The following RAB38 variants were observed in gnomAD, a reference collection of about 807,000 sequenced individuals.
RAB38 encodes RAB38, member RAS oncogene family, also known as ras-related protein Rab-38.
RAB38 carries 15 observed loss-of-function variants against 18.4 expected under a neutral mutation model. The ratio of observed to expected loss-of-function variants is 0.82; its 90% CI spans 0.55 to 1.26. The LOEUF is 1.26. Ranked by LOEUF, RAB38 falls within the 50% of genes most tolerant of loss-of-function variation. The pLI is 0.00. For missense variants in RAB38, 294 were observed against 267.4 expected (o/e 1.10, Z -0.69); for synonymous variants, 101 against 104.4 (o/e 0.97, Z 0.20).
At chr11:88,051,863 C>A in the RAB38 span, among the ~76,000 whole-genome samples, 1 of 152,168 alleles carries the variant, frequency 6.6e-6, no homozygotes, top group African/African-American at 2.4e-5. Flanking sequence ...GTGGCTCATG[C>A]CTGTAATCCT....
the RAB38 span, among the ~76,000 whole-genome samples, chr11:88,071,851 T>G: frequency 6.6e-6 from 1 of 152,138 alleles, no homozygotes; most frequent in Non-Finnish European, 1.5e-5. Context: ...AAACACACAC[T>G]GGAGGATTTG....
chr11:87,839,273 A>T, the RAB38 span, among the ~76,000 whole-genome samples: 1 of 152,306 alleles, frequency 6.6e-6, no homozygotes, highest in Non-Finnish European at 1.5e-5. Flanking sequence ...ATCTCCAACT[A>T]TGTAATACAT....
At chr11:88,021,876 T>C in the RAB38 span, among the ~76,000 whole-genome samples, 4 of 147,608 alleles carry the variant, frequency 2.7e-5, no homozygotes, top group East Asian at 8.0e-4. Flanking sequence ...AAAAGTATTC[T>C]TTTTTTATTT....
the RAB38 span, among the ~76,000 whole-genome samples, chr11:87,850,833 T>C: frequency 1.3e-5 from 2 of 152,216 alleles, no homozygotes; most frequent in African/African-American, 4.8e-5. Flanking sequence ...ATCTGAGGAA[T>C]TTTAGCTTAG....
At chr11:87,960,141 G>A in the RAB38 span, among the ~76,000 whole-genome samples, 5 of 152,052 alleles carry the variant, frequency 3.3e-5, no homozygotes, top group South Asian at 2.1e-4. Context: ...CAAACAAACA[G>A]TGTAATTGAC....
At chr11:88,115,974 T>C (rs1942545801) in intron 2 of RAB38, 1 of 152,280 alleles carries the variant, frequency 6.6e-6, no homozygotes, top group South Asian at 2.1e-4. Context: ...CCTCACTCTA[T>C]GGAATCCAGT....
intron 1 of RAB38, among the ~76,000 whole-genome samples, chr11:88,158,254 C>T (rs1045188976): frequency 3.3e-5 from 5 of 152,058 alleles, no homozygotes; most frequent in Admixed American, 6.6e-5. Flanking sequence ...CCTGAATAGA[C>T]CAATAATGAC....
the RAB38 span, among the ~76,000 whole-genome samples, chr11:88,051,602 G>T: frequency 6.6e-6 from 1 of 151,872 alleles, no homozygotes; most frequent in African/African-American, 2.4e-5. Context: ...TAGTCATCAT[G>T]TGAAAAACAA....
chr11:87,977,299 G>T, the RAB38 span, among the ~76,000 whole-genome samples: 3 of 129,314 alleles, frequency 2.3e-5, no homozygotes, highest in African/African-American at 9.2e-5. Flanking sequence ...TATTATACAA[G>T]TATATTATAA....
the RAB38 span, among the ~76,000 whole-genome samples, chr11:87,856,514 A>G: frequency 1.3e-5 from 2 of 152,198 alleles, no homozygotes; most frequent in East Asian, 3.8e-4. Context: ...TCTCAATACA[A>G]TATTTTATAT....
At chr11:87,807,509 T>G in the RAB38 span, among the ~76,000 whole-genome samples, 1 of 152,218 alleles carries the variant, frequency 6.6e-6, no homozygotes, top group Admixed American at 6.5e-5. Flanking sequence ...AAAGTAGTTC[T>G]GTTTCAGTCA....
chr11:87,808,312 T>G, the RAB38 span, among the ~76,000 whole-genome samples: 1 of 152,112 alleles, frequency 6.6e-6, no homozygotes, highest in Non-Finnish European at 1.5e-5. Context: ...AACCTAAGTG[T>G]CCACTAACAG....
At chr11:88,124,468 T>C (rs1942667851) in intron 2 of RAB38, among the ~76,000 whole-genome samples, 1 of 152,104 alleles carries the variant, frequency 6.6e-6, no homozygotes, top group African/African-American at 2.4e-5. Flanking sequence ...GCGAAGGATA[T>C]GAACAGACAC....
the RAB38 span, chr11:88,098,184 G>A: frequency 6.6e-6 from 1 of 151,872 alleles, no homozygotes; most frequent in Non-Finnish European, 1.5e-5. Context: ...ACAGGAAAGG[G>A]ACACATATTT....
At chr11:87,941,214 G>GATAGATAT in the RAB38 span, among the ~76,000 whole-genome samples, 7 of 62,552 alleles carry the variant, frequency 1.1e-4, no homozygotes, top group African/African-American at 3.8e-4. Flanking sequence ...AAATATATGA[G>GATAGATAT]ATATATATAT....
chr11:88,046,815 A>G, the RAB38 span, among the ~76,000 whole-genome samples: 1 of 152,144 alleles, frequency 6.6e-6, no homozygotes, highest in African/African-American at 2.4e-5. Flanking sequence ...CTGACCCCAT[A>G]GATCCTAAAT....
At chr11:88,160,398 G>C (rs1444078953) in intron 1 of RAB38, among the ~76,000 whole-genome samples, 1 of 152,084 alleles carries the variant, frequency 6.6e-6, no homozygotes, top group Non-Finnish European at 1.5e-5. Context: ...AATAAGTTCA[G>C]CCATCATGGA....
chr11:87,804,464 C>A, the RAB38 span, among the ~76,000 whole-genome samples: 1 of 152,178 alleles, frequency 6.6e-6, no homozygotes, highest in Non-Finnish European at 1.5e-5. Context: ...GCCTCTTCAG[C>A]CTTTGTGCTT....
At chr11:88,083,265 G>A in the RAB38 span, among the ~76,000 whole-genome samples, 147 of 151,646 alleles carry the variant, frequency 9.7e-4, no homozygotes, top group African/African-American at 3.4e-3. Flanking sequence ...ATATTTCCCC[G>A]AATCTGAGAT....
Sources: gnomAD v4.1 joint callset for allele counts (sites outside exome capture counted in the v4.1 genomes callset) on GRCh38, gnomAD v4.1.1 for gene constraint, MANE v1.5 for transcripts, NCBI Gene and HGNC (gene_info 2026-07-23, HGNC 2026-07-21) for gene names.